The following HECW2 variants were observed in gnomAD, a reference collection of about 807,000 sequenced individuals.
The protein encoded by HECW2 is E3 ubiquitin-protein ligase HECW2.
In HECW2, 61 loss-of-function variants were observed where a neutral mutation model predicts 175.2. The observed-to-expected ratio is 0.35, with a 90% CI of 0.28 to 0.43. The LOEUF (loss-of-function observed/expected upper bound fraction) is 0.43, where lower values mean the gene tolerates loss of function less well. Ranked by LOEUF, HECW2 falls within the 20% of genes least tolerant of loss-of-function variation. The probability of loss-of-function intolerance (pLI) is 1.00; values close to 1 mark genes in which losing one functional copy is unlikely to be tolerated. For missense variants in HECW2, 1,524 were observed against 2,000.5 expected (o/e 0.76, Z 4.54); for synonymous variants, 671 against 731.0 (o/e 0.92, Z 1.32).
chr2:196,591,213 T>C (rs1388030747), intron 1 of HECW2, among the ~76,000 whole-genome samples: 2 of 152,218 alleles, frequency 1.3e-5, no homozygotes, highest in Admixed American at 6.5e-5. Context: ...GCGAATGTCT[T>C]AGACTGGGAA....
At chr2:196,511,606 T>A (rs2125416595) in intron 1 of HECW2, among the ~76,000 whole-genome samples, 1 of 152,314 alleles carries the variant, frequency 6.6e-6, no homozygotes, top group Non-Finnish European at 1.5e-5. Flanking sequence ...CATAAATATA[T>A]CATTACAAAT....
intron 2 of HECW2, among the ~76,000 whole-genome samples, chr2:196,399,647 A>G (rs996960894): frequency 4.6e-5 from 7 of 152,254 alleles, no homozygotes; most frequent in African/African-American, 1.7e-4. Flanking sequence ...AAGCCACTGT[A>G]GTAGGTAACA....
At chr2:196,247,451 C>T (rs887666339) in intron 19 of HECW2, among the ~76,000 whole-genome samples, 1 of 152,052 alleles carries the variant, frequency 6.6e-6, no homozygotes, top group Non-Finnish European at 1.5e-5. Flanking sequence ...GGTCATAATA[C>T]TTTGTAGACA....
At chr2:196,522,355 T>C (rs1350791906) in intron 1 of HECW2, among the ~76,000 whole-genome samples, 1 of 152,176 alleles carries the variant, frequency 6.6e-6, no homozygotes, top group Non-Finnish European at 1.5e-5. Context: ...TTTGTTTGAG[T>C]TCATTGTAGA....
chr2:196,573,134 T>C (rs1690443248), intron 1 of HECW2, among the ~76,000 whole-genome samples: 1 of 150,986 alleles, frequency 6.6e-6, no homozygotes, highest in Non-Finnish European at 1.5e-5. Context: ...AAATAAAACA[T>C]CAGGAGAGTG....
rs1690027278 is a variant in HECW2 at position 196,562,269 on chromosome 2, T to C, written c.-36+31239A>G. ...CACCCTCCAACCAAGTTAGAAACAATAGCACAAGTGATACATACTAAATTT... is the reference window on the plus strand; with the variant it reads ...CACCCTCCAACCAAGTTAGAAACAACAGCACAAGTGATACATACTAAATTT... On this transcript the variant is annotated intron_variant, in intron 1 of 28. Transcript: ENST00000644978. 2.0e-5 allele frequency among the ~76,000 whole-genome samples: 3 copies of C among 152,088 alleles called. No homozygotes were observed. The South Asian group carries it at 6.2e-4, about 31-fold the overall frequency.
intron 16 of HECW2, among the ~76,000 whole-genome samples, chr2:196,272,551 C>G (rs531590071): frequency 5.3e-5 from 8 of 152,184 alleles, no homozygotes; most frequent in South Asian, 4.1e-4. Flanking sequence ...CTTTCTTTAA[C>G]AAATAATTAA....
Position 196,201,453 on chromosome 2 carries a change from T to G in HECW2, c.4608-65A>C, listed in dbSNP as rs951285500. ...GAGTGAAATGAAAATGTGTGTGGTG[T>G]GTGTGTGTGTGTGTGTCTGTGTGTG... On this transcript the variant is annotated intron_variant, in intron 28 of 28. Transcript: ENST00000644978. 4.4e-5 allele frequency: 31 copies of G among 705,976 alleles called. 1 individual carries two copies. The highest frequency in any genetic ancestry group is 2.1e-4 in the Admixed American group (9 of 42,070). 43.7% of individuals were successfully genotyped at this position (705,976 alleles called of 1,614,324 possible).
intron 1 of HECW2, among the ~76,000 whole-genome samples, chr2:196,507,490 GTTA>G (rs1687808845): frequency 6.6e-6 from 1 of 152,206 alleles, no homozygotes; most frequent in Non-Finnish European, 1.5e-5. Flanking sequence ...GCATACAGTA[GTTA>G]GAGGCCAGGG....
intron 2 of HECW2, among the ~76,000 whole-genome samples, chr2:196,355,616 A>G (rs1693336202): frequency 6.6e-6 from 1 of 152,234 alleles, no homozygotes. Context: ...GAATGAAAAC[A>G]GCAATTATAG....
intron 2 of HECW2, among the ~76,000 whole-genome samples, chr2:196,350,189 C>A (rs1490202667): frequency 6.6e-6 from 1 of 152,124 alleles, no homozygotes; most frequent in Non-Finnish European, 1.5e-5. Context: ...CATGGTGAAA[C>A]CTCGACTCTA....
At chr2:196,418,027 G>A (rs900337191) in intron 2 of HECW2, among the ~76,000 whole-genome samples, 6 of 152,102 alleles carry the variant, frequency 3.9e-5, no homozygotes, top group African/African-American at 7.2e-5. Flanking sequence ...CATTTTTTAG[G>A]TTAGTCATTC....
At chr2:196,446,166 C>T (rs1696180521) in intron 1 of HECW2, among the ~76,000 whole-genome samples, 1 of 152,190 alleles carries the variant, frequency 6.6e-6, no homozygotes, top group Non-Finnish European at 1.5e-5. Context: ...CCCACTGCTG[C>T]TCCTAGAATG....
chr2:196,277,799 T>A (rs1266897614), intron 15 of HECW2, among the ~76,000 whole-genome samples: 1 of 151,772 alleles, frequency 6.6e-6, no homozygotes, highest in East Asian at 1.9e-4. Context: ...TACGCAGCCA[T>A]AAAAAATGAT....
chr2:196,215,749 G>A, intron 28 of HECW2, 116 bp downstream of exon 28: 1 of 694,702 alleles, frequency 1.4e-6, no homozygotes, highest in Non-Finnish European at 2.4e-6. Context: ...TTCATTCTAA[G>A]AGCTTTTCCG....
At chr2:196,455,002 T>G (rs1696461508) in intron 1 of HECW2, among the ~76,000 whole-genome samples, 1 of 152,180 alleles carries the variant, frequency 6.6e-6, no homozygotes, top group South Asian at 2.1e-4. Flanking sequence ...ATTCATTTGA[T>G]TATTTCTGGG....
In HECW2 at chr2:196,546,072, G is replaced by A. The variant is rs557143869; in HGVS notation, c.-36+47436C>T. 2.0e-5 allele frequency among the ~76,000 whole-genome samples: 3 copies of A among 152,306 alleles called. No individual in the cohort carries two copies. In the East Asian group the frequency reaches 5.8e-4, roughly 29 times the overall value. Reference sequence around the variant, plus strand: ...TAAACCCACATTATTTCGAACACAAGGAGTTGTTTATGCTCACCACGATAA... The same window carrying A: ...TAAACCCACATTATTTCGAACACAAAGAGTTGTTTATGCTCACCACGATAA... On this transcript the variant is annotated intron_variant, in intron 1 of 28. Coordinates refer to ENST00000644978, the MANE Select transcript of HECW2 (RefSeq NM_001348768.2).
rs372885154 is a variant in HECW2, at chr2:196,402,058, G to A, written c.292+31074C>T. ...TACTAAAAATACAAAAAAATTAGCC[G>A]GACGTGGTGGCGGGCGCCTGTAGTC... On this transcript the variant is annotated intron_variant, in intron 2 of 28. Transcript: ENST00000644978. Among the ~76,000 whole-genome samples the A allele has an allele frequency of 4.2e-4, 64 of 151,852 alleles. No homozygotes were observed. In the South Asian group the frequency reaches 0.011, roughly 27 times the overall value.
chr2:196,217,829 G>A (rs1026143423), intron 26 of HECW2: 3 of 152,202 alleles, frequency 2.0e-5, no homozygotes, highest in African/African-American at 7.2e-5. Flanking sequence ...TCAGAGAAAA[G>A]GCTAACAAGG....
Sources: gnomAD v4.1 joint callset for allele counts (sites outside exome capture counted in the v4.1 genomes callset) on GRCh38, gnomAD v4.1.1 for gene constraint, MANE v1.5 for transcripts, NCBI Gene and HGNC (gene_info 2026-07-23, HGNC 2026-07-21) for gene names.